The following PDLIM5 variants were observed in gnomAD, a reference collection of about 807,000 sequenced individuals.
PDLIM5 encodes PDZ and LIM domain protein 5.
PDLIM5 carries 34 observed loss-of-function variants against 64.2 expected under a neutral mutation model. That is an observed-to-expected ratio of 0.53 (90% CI 0.40 to 0.71). The LOEUF (loss-of-function observed/expected upper bound fraction) is 0.71. Among genes scored for constraint, PDLIM5 ranks in the 30% least tolerant of loss-of-function variants. The pLI, the probability that PDLIM5 is intolerant of heterozygous loss-of-function variation, is 0.00. For missense variants in PDLIM5, 683 were observed against 733.6 expected, an observed-to-expected ratio of 0.93 and a Z score of 0.80; for synonymous variants, 253 against 269.1, an observed-to-expected ratio of 0.94 and a Z score of 0.59.
chr4:94,645,056 A>T (rs950122751), intron 9 of PDLIM5, among the ~76,000 whole-genome samples: 2 of 152,112 alleles, frequency 1.3e-5, no homozygotes, highest in Non-Finnish European at 2.9e-5. Flanking sequence ...GTAGTCTTTT[A>T]TCCCTCACCC....
intron 9 of PDLIM5, among the ~76,000 whole-genome samples, chr4:94,646,827 A>C (rs1157637977): frequency 1.3e-5 from 2 of 152,174 alleles, no homozygotes; most frequent in Admixed American, 6.5e-5. Context: ...GATGGGTGTG[A>C]CTGGAAGGAA....
At chr4:94,657,988 G>A (rs544432813) in intron 11 of PDLIM5, among the ~76,000 whole-genome samples, 9 of 152,180 alleles carry the variant, frequency 5.9e-5, no homozygotes, top group Middle Eastern at 3.2e-3. Flanking sequence ...GAGCCACTGC[G>A]CCTGGCCCTA....
At chr4:94,550,458 C>T (rs973896646) in intron 3 of PDLIM5, among the ~76,000 whole-genome samples, 6 of 152,174 alleles carry the variant, frequency 3.9e-5, no homozygotes, top group African/African-American at 1.4e-4. Context: ...TAAGCTCTAT[C>T]TGTTGTCACA....
At chr4:94,563,268 A>G (rs1733999238) in intron 3 of PDLIM5, among the ~76,000 whole-genome samples, 1 of 152,202 alleles carries the variant, frequency 6.6e-6, no homozygotes. Flanking sequence ...ACAAGATTCT[A>G]CTTATTAATG....
chr4:94,508,736 G>T (rs1728611461), intron 2 of PDLIM5, among the ~76,000 whole-genome samples: 1 of 152,200 alleles, frequency 6.6e-6, no homozygotes, highest in Non-Finnish European at 1.5e-5. Context: ...AACTTAGATT[G>T]TTCAGAAGTT....
At chr4:94,512,387 C>T (rs1030970170) in intron 2 of PDLIM5, among the ~76,000 whole-genome samples, 3 of 152,054 alleles carry the variant, frequency 2.0e-5, no homozygotes, top group Non-Finnish European at 2.9e-5. Context: ...ATTTACGTTC[C>T]CACCAACAGT....
intron 3 of PDLIM5, among the ~76,000 whole-genome samples, chr4:94,544,873 T>G (rs1732170270): frequency 6.6e-6 from 1 of 152,204 alleles, no homozygotes. Flanking sequence ...TTGGGAAGTA[T>G]GTGCATGAGA....
intron 2 of PDLIM5, among the ~76,000 whole-genome samples, chr4:94,521,432 T>C (rs35942201): frequency 0.092 from 13,983 of 152,078 alleles, 810 homozygotes; most frequent in East Asian, 0.17. Flanking sequence ...ACATTTACAT[T>C]GTTACATTTA....
At chr4:94,571,196 G>A (rs17021819) in intron 3 of PDLIM5, among the ~76,000 whole-genome samples, 3,535 of 152,078 alleles carry the variant, frequency 0.023, 140 homozygotes, top group African/African-American at 0.08. Context: ...TATTCTAACC[G>A]GTACATCACA....
chr4:94,645,713 T>G (rs964692398), intron 9 of PDLIM5, among the ~76,000 whole-genome samples: 1 of 152,210 alleles, frequency 6.6e-6, no homozygotes. Context: ...AATGTCCAGA[T>G]AATAGATTGG....
At chr4:94,456,308 C>CCTGCCT (rs1265686275) in intron 2 of PDLIM5, 13 of 531,956 alleles carry the variant, frequency 2.4e-5, no homozygotes, top group South Asian at 1.9e-4. Context: ...AAGCGATTCT[C>CCTGCCT]CTGCCTCAGC....
intron 2 of PDLIM5, among the ~76,000 whole-genome samples, chr4:94,495,035 A>AT (rs1321768106): frequency 6.6e-6 from 1 of 152,108 alleles, no homozygotes; most frequent in Admixed American, 6.6e-5. Context: ...GTGAGCCACC[A>AT]TGCCCGGCCC....
chr4:94,561,892 G>A (rs76836076), intron 3 of PDLIM5, among the ~76,000 whole-genome samples: 1,733 of 152,246 alleles, frequency 0.011, 28 homozygotes, highest in African/African-American at 0.035. Context: ...GTAATCCATG[G>A]TCAGCATAAT....
chr4:94,663,669 C>T lies in PDLIM5; in HGVS notation c.1702-309C>T, dbSNP rs529585625. On this transcript the variant is annotated intron_variant, in intron 12 of 12. Coordinates refer to ENST00000317968, the MANE Select transcript of PDLIM5 (RefSeq NM_006457.5). ...ATTTGGGGAGATAAAATATATTTAA[C>T]GAGCCCCCTTTCTATATTGATTTTC... Among the ~76,000 whole-genome samples the T allele has an allele frequency of 3.9e-5, 6 of 152,252 alleles. No individual in the cohort carries two copies. In the South Asian group the frequency reaches 1.0e-3, roughly 26 times the overall value.
intron 7 of PDLIM5, among the ~76,000 whole-genome samples, chr4:94,590,559 A>G (rs769810601): frequency 2.0e-5 from 3 of 152,242 alleles, no homozygotes; most frequent in South Asian, 4.1e-4. Flanking sequence ...ATAAGTTAAT[A>G]TAAAATAAGT....
intron 3 of PDLIM5, among the ~76,000 whole-genome samples, chr4:94,569,257 G>C (rs994215354): frequency 6.6e-6 from 1 of 152,130 alleles, no homozygotes; most frequent in African/African-American, 2.4e-5. Context: ...CATTTGGGAT[G>C]ATAACTAGTC....
chr4:94,653,143 T>G (rs1218058238), intron 9 of PDLIM5, among the ~76,000 whole-genome samples: 1 of 152,118 alleles, frequency 6.6e-6, no homozygotes, highest in East Asian at 1.9e-4. Context: ...TAAGTGATGT[T>G]AATGAGGTCA....
intron 3 of PDLIM5, among the ~76,000 whole-genome samples, chr4:94,547,693 T>G (rs1732444684): frequency 6.6e-6 from 1 of 152,224 alleles, no homozygotes; most frequent in African/African-American, 2.4e-5. Context: ...TATACTGAAC[T>G]GACTGTAACA....
intron 2 of PDLIM5, among the ~76,000 whole-genome samples, chr4:94,491,749 C>T (rs1000747103): frequency 3.3e-5 from 5 of 151,960 alleles, no homozygotes; most frequent in Non-Finnish European, 5.9e-5. Context: ...TTAAAATATT[C>T]TCCCTTCATT....
Sources: allele counts gnomAD v4.1 joint callset (sites outside exome capture counted in the v4.1 genomes callset), GRCh38; gene constraint gnomAD v4.1.1; transcripts MANE v1.5; gene names NCBI Gene and HGNC (gene_info 2026-07-23, HGNC 2026-07-21).